Variants in PDZK1 observed in about 807,000 individuals in gnomAD.
The protein encoded by PDZK1 is Na(+)/H(+) exchange regulatory cofactor NHE-RF3.
PDZK1 carries 23 observed loss-of-function variants against 38.1 expected under a neutral mutation model. The ratio of observed to expected loss-of-function variants is 0.60; its 90% CI spans 0.43 to 0.85. The LOEUF (loss-of-function observed/expected upper bound fraction) is 0.85, where lower values mean the gene tolerates loss of function less well. Among genes scored for constraint, PDZK1 ranks in the 40% least tolerant of loss-of-function variants. PDZK1 has a pLI of 0.00. For missense variants in PDZK1, 297 were observed against 504.3 expected (o/e 0.59, Z 3.94); for synonymous variants, 98 against 186.2 (o/e 0.53, Z 3.86).
rs1288329286 is a variant in PDZK1 at position 145,676,724 on chromosome 1, C to CA, written c.990+1724dup. 4.9e-3 allele frequency among the ~76,000 whole-genome samples: 384 copies of CA among 79,058 alleles called. 3 individuals carry two copies. Among genetic ancestry groups the CA allele is most frequent in the Middle Eastern group, 0.031 (4 of 128 alleles). 51.9% of individuals were successfully genotyped at this position (79,058 alleles called of 152,430 possible). On this transcript the variant is annotated intron_variant, in intron 6 of 8. Transcript: ENST00000417171. ...CTGGTGACAGAGCAAGACAACGTCTCAAAAAAAAAAAAAAAAAGTGTGCTC... is the reference window on the plus strand; with the variant it reads ...CTGGTGACAGAGCAAGACAACGTCTCAAAAAAAAAAAAAAAAAAGTGTGCTC...
chr1:145,672,843 C>T lies in PDZK1; in HGVS notation c.1393G>A (p.Ala465Thr). The T allele has an allele frequency of 1.9e-6, 3 of 1,611,294 alleles. No individual in the cohort carries two copies. The highest frequency in any genetic ancestry group is 2.5e-6 in the Non-Finnish European group (3 of 1,179,532). ...CGKKAYDYFQ[A>T]KKIPIVSSLA... ...GAGGAAACAATAGGGATTTTCTTAGCTTGGAAATAATCATAGGCCTTCTTT... is the reference window on the plus strand; with the variant it reads ...GAGGAAACAATAGGGATTTTCTTAGTTTGGAAATAATCATAGGCCTTCTTT... The change falls in exon 8 of 9, where the codon GCT becomes ACT. Residue 465 changes from alanine to threonine, a missense_variant. Ala to Thr is a moderately conservative substitution (Grantham distance 58). Around this residue, in one of 5 missense-constraint regions of PDZK1, gnomAD observed 54 missense variants for 72.1 expected, o/e 0.75. Coordinates refer to ENST00000417171, the MANE Select transcript of PDZK1 (RefSeq NM_001201325.2).
chr1:145,680,437 C>T (rs1386232665), intron 5 of PDZK1, among the ~76,000 whole-genome samples: 2 of 151,902 alleles, frequency 1.3e-5, no homozygotes, highest in Non-Finnish European at 2.9e-5. Context: ...AGGAGGACTC[C>T]TGGTTCTGAG....
chr1:145,699,759 G>A (rs587621324), intron 1 of PDZK1, among the ~76,000 whole-genome samples: 24 of 152,292 alleles, frequency 1.6e-4, no homozygotes, highest in Non-Finnish European at 2.1e-4. Context: ...CCCCAGGATC[G>A]ATTCTGAGTA....
At chr1:145,697,520 A>G (rs587594316) in intron 1 of PDZK1, among the ~76,000 whole-genome samples, 11 of 152,334 alleles carry the variant, frequency 7.2e-5, no homozygotes, top group Non-Finnish European at 1.6e-4. Context: ...AGAAAATGCC[A>G]CTGACATTCA....
Position 145,698,042 on chromosome 1 carries a change from AG to A in PDZK1, c.-3+9274del, listed in dbSNP as rs2101928344. On this transcript the variant is annotated intron_variant, in intron 1 of 8. Transcript: ENST00000417171. ...GAAATACCTCTTCTCCAGGGGCAGA[AG>A]AGAAGTAGAAAAAAATATGATAAAG... is the stretch of plus-strand genomic sequence containing the variant. Among the ~76,000 whole-genome samples, 4 of 152,000 alleles carry A rather than the reference AG, an allele frequency of 2.6e-5. No individual in the cohort carries two copies. The South Asian group carries it at 6.2e-4, about 24-fold the overall frequency.
At chr1:145,676,121 C>T (rs1404298050) in intron 6 of PDZK1, 2 of 867,816 alleles carry the variant, frequency 2.3e-6, no homozygotes, top group Admixed American at 6.2e-5. Flanking sequence ...TGATGTATCT[C>T]AAAGATCTAC....
At chr1:145,687,453 A>T (rs1553702042) in intron 2 of PDZK1, among the ~76,000 whole-genome samples, 1 of 139,048 alleles carries the variant, frequency 7.2e-6, no homozygotes, top group Non-Finnish European at 1.5e-5. Context: ...TGAACCCGGG[A>T]GGTAGAGCTT....
chr1:145,671,261 C>T lies in PDZK1; in HGVS notation c.*175G>A. ...AGCATAAATTAGCCGTCTGCAATAG[C>T]CGCCTGTAAGACAAATGATAACAGA... On this transcript the variant is annotated 3_prime_UTR_variant, in exon 9 of 9. Coordinates refer to ENST00000417171, the MANE Select transcript of PDZK1 (RefSeq NM_001201325.2). 8.4e-7 allele frequency: 1 copy of T among 1,185,546 alleles called. No homozygotes were observed. The highest frequency in any genetic ancestry group is 1.6e-5 in the South Asian group (1 of 62,134). The allele number at this position is 1,185,546 out of a possible 1,614,324, so 73.4% of individuals were successfully genotyped here.
chr1:145,686,658 C>G lies in PDZK1; in HGVS notation c.279G>C (p.Glu93Asp). 2 of 1,587,922 alleles carry G rather than the reference C, an allele frequency of 1.3e-6. No homozygotes were observed. The highest frequency in any genetic ancestry group is 1.7e-6 in the Non-Finnish European group (2 of 1,161,654). The change falls in exon 3 of 9, where the codon GAG becomes GAC. Residue 93 changes from glutamate (E) to aspartate (D), a missense_variant. Glu to Asp is a conservative substitution (Grantham distance 45, BLOSUM62 2). This residue lies in a region of PDZK1 where 159 missense variants were observed against 200.0 expected (regional missense o/e 0.79). Coordinates refer to ENST00000417171, the MANE Select transcript of PDZK1 (RefSeq NM_001201325.2). ...TLLVLDGDSY[E>D]KAVKTRVDLK... The stretch of plus-strand genomic sequence containing the variant: ...AGTCCACCCGTGTTTTCACTGCTTT[C>G]TCATAGGAATCCCCATCCAGAACTA...
chr1:145,684,053 GC>G (rs1236527492), intron 3 of PDZK1, among the ~76,000 whole-genome samples: 1 of 151,092 alleles, frequency 6.6e-6, no homozygotes, highest in Non-Finnish European at 1.5e-5. Context: ...CGCCATGTTG[GC>G]CAGGCTTGTC....
intron 1 of PDZK1, among the ~76,000 whole-genome samples, chr1:145,694,605 A>G (rs1553703844): frequency 1.3e-5 from 2 of 152,150 alleles, no homozygotes. Flanking sequence ...AAGTTTTAGA[A>G]CAAAAATAAC....
intron 6 of PDZK1, among the ~76,000 whole-genome samples, chr1:145,676,978 T>C (rs1326934041): frequency 4.6e-5 from 7 of 152,160 alleles, no homozygotes; most frequent in African/African-American, 1.7e-4. Context: ...AATTCAACCC[T>C]CATAGCCACC....
intron 1 of PDZK1, among the ~76,000 whole-genome samples, chr1:145,703,847 G>A (rs1461390101): frequency 6.6e-6 from 1 of 151,762 alleles, no homozygotes; most frequent in African/African-American, 2.4e-5. Flanking sequence ...TGGCCAGGAG[G>A]GATGGAATCT....
intron 1 of PDZK1, 106 bp from the exon 2 acceptor site, chr1:145,688,129 C>G: frequency 1.0e-6 from 1 of 967,396 alleles, no homozygotes; most frequent in South Asian, 1.4e-5. Flanking sequence ...ATCACCAAAT[C>G]TAGACTGCTT....
At chr1:145,696,129 A>C (rs190525881) in intron 1 of PDZK1, among the ~76,000 whole-genome samples, 29 of 152,332 alleles carry the variant, frequency 1.9e-4, no homozygotes, top group African/African-American at 6.7e-4. Context: ...GCAAATGCAC[A>C]GTTAAGTCTT....
At chr1:145,702,931 G>A (rs1656047532) in intron 1 of PDZK1, among the ~76,000 whole-genome samples, 1 of 152,164 alleles carries the variant, frequency 6.6e-6, no homozygotes, top group Non-Finnish European at 1.5e-5. Context: ...CAGGCACTGA[G>A]GCTCAGCATA....
At chr1:145,706,093 G>A (rs1553705680) in intron 1 of PDZK1, among the ~76,000 whole-genome samples, 1 of 152,088 alleles carries the variant, frequency 6.6e-6, no homozygotes, top group Admixed American at 6.6e-5. Flanking sequence ...GTACACTCTT[G>A]GGGAAAAGAT....
intron 5 of PDZK1, among the ~76,000 whole-genome samples, chr1:145,679,410 A>G (rs587706699): frequency 5.9e-5 from 9 of 152,206 alleles, no homozygotes; most frequent in Non-Finnish European, 1.0e-4. Context: ...GACGATTGCT[A>G]AGTCCTCTGA....
intron 1 of PDZK1, among the ~76,000 whole-genome samples, chr1:145,699,676 G>A (rs1290735723): frequency 6.6e-6 from 1 of 152,188 alleles, no homozygotes; most frequent in African/African-American, 2.4e-5. Flanking sequence ...GAGCAGAATA[G>A]TTCCCCATGA....
Sources: gnomAD v4.1 joint callset for allele counts (sites outside exome capture counted in the v4.1 genomes callset) on GRCh38, gnomAD v4.1.1 for gene constraint, gnomAD v4.1.1 regional missense constraint, MANE v1.5 for transcripts, NCBI Gene and HGNC (gene_info 2026-07-23, HGNC 2026-07-21) for gene names.